SLC25A13: variants seen among roughly 807,000 people sequenced by gnomAD.
SLC25A13 encodes the protein solute carrier family 25 member 13.
SLC25A13 carries 70 observed loss-of-function variants against 85.5 expected under a neutral mutation model. The ratio of observed to expected loss-of-function variants is 0.82; its 90% CI spans 0.68 to 1.00. The LOEUF (loss-of-function observed/expected upper bound fraction) is 1.00. Ranked by LOEUF, SLC25A13 falls within the 50% of genes least tolerant of loss-of-function variation. SLC25A13 has a pLI of 0.00. For synonymous variants in SLC25A13, 259 were observed against 288.7 expected (o/e 0.90, Z 1.04); for missense variants, 765 against 819.8 (o/e 0.93, Z 0.82).
chr7:96,250,180 C>T (rs1032968587), intron 3 of SLC25A13, among the ~76,000 whole-genome samples: 3 of 151,956 alleles, frequency 2.0e-5, no homozygotes, highest in Admixed American at 6.6e-5. Flanking sequence ...AAGTGAGACT[C>T]TGTCTCAAAA....
intron 15 of SLC25A13, 36 bp from the exon 16 acceptor site, chr7:96,122,033 A>G (rs192031193): frequency 3.6e-4 from 581 of 1,613,230 alleles, no homozygotes; most frequent in Admixed American, 4.5e-4. Flanking sequence ...CAGTCTGGTC[A>G]CATTCTCACT....
At chr7:96,191,362 G>A in intron 6 of SLC25A13, 115 bp from the exon 7 acceptor site, 1 of 1,093,388 alleles carries the variant, frequency 9.1e-7, no homozygotes, top group Non-Finnish European at 1.3e-6. Context: ...TGTACAAGAA[G>A]AAATGACTAT....
At chr7:96,218,464 A>G (rs1795981033) in intron 4 of SLC25A13, among the ~76,000 whole-genome samples, 1 of 152,312 alleles carries the variant, frequency 6.6e-6, no homozygotes, top group African/African-American at 2.4e-5. Flanking sequence ...TACAAATTCT[A>G]TGGACTCTTA....
chr7:96,132,921 C>T (rs1000605647), intron 14 of SLC25A13, among the ~76,000 whole-genome samples: 2 of 152,176 alleles, frequency 1.3e-5, no homozygotes, highest in Admixed American at 1.3e-4. Context: ...GTATCTGTTA[C>T]TATAGCCTTT....
In SLC25A13 at chr7:96,120,812, G is replaced by C; in HGVS notation, c.*379C>G. Reference sequence around the variant, plus strand: ...TTTCCTACCAGTTTAAAACACACACGAAACACTGCTCTGAGCACCATGATT... The same window carrying C: ...TTTCCTACCAGTTTAAAACACACACCAAACACTGCTCTGAGCACCATGATT... On this transcript the variant is annotated 3_prime_UTR_variant, in exon 18 of 18. Transcript: ENST00000265631. 1 of 461,960 alleles carries C rather than the reference G, an allele frequency of 2.2e-6. No individual in the cohort carries two copies. The highest frequency in any genetic ancestry group is 6.7e-4 in the Middle Eastern group (1 of 1,482). The allele number at this position is 461,960 out of a possible 1,614,324, so 28.6% of individuals were successfully genotyped here.
intron 14 of SLC25A13, among the ~76,000 whole-genome samples, chr7:96,134,340 T>C (rs777955336): frequency 1.3e-5 from 2 of 152,104 alleles, no homozygotes; most frequent in Non-Finnish European, 2.9e-5. Context: ...CCTGGCCACT[T>C]TTAGCTTTTC....
At chr7:96,175,931 A>C (rs1009225935) in intron 11 of SLC25A13, among the ~76,000 whole-genome samples, 6 of 152,222 alleles carry the variant, frequency 3.9e-5, no homozygotes, top group Middle Eastern at 3.2e-3. Flanking sequence ...GAAGTTGTTG[A>C]TAAGAACCAT....
intron 5 of SLC25A13, among the ~76,000 whole-genome samples, chr7:96,203,268 T>C (rs1182733846): frequency 6.6e-6 from 1 of 152,188 alleles, no homozygotes; most frequent in African/African-American, 2.4e-5. Context: ...AGGATGCTTA[T>C]TGGAAAGGCA....
chr7:96,306,728 CT>C (rs1296707358), intron 1 of SLC25A13: 6 of 1,024,604 alleles, frequency 5.9e-6, no homozygotes, highest in Non-Finnish European at 8.9e-6. Flanking sequence ...CTTCCATCTT[CT>C]CTTTTGTGCC....
chr7:96,247,230 T>C (rs1288632093), intron 3 of SLC25A13, among the ~76,000 whole-genome samples: 3 of 152,208 alleles, frequency 2.0e-5, no homozygotes, highest in South Asian at 2.1e-4. Flanking sequence ...TGTCATTAAA[T>C]AGCAAACATT....
At chr7:96,153,129 G>A (rs1163872994) in intron 13 of SLC25A13, among the ~76,000 whole-genome samples, 1 of 152,230 alleles carries the variant, frequency 6.6e-6, no homozygotes, top group Non-Finnish European at 1.5e-5. Context: ...AGAACATGAA[G>A]AGTTTGCATT....
At chr7:96,214,773 T>A (rs1022150612) in intron 4 of SLC25A13, among the ~76,000 whole-genome samples, 1 of 151,978 alleles carries the variant, frequency 6.6e-6, no homozygotes, top group African/African-American at 2.4e-5. Flanking sequence ...CAATTTACAG[T>A]AGCCTCAAAA....
intron 2 of SLC25A13, among the ~76,000 whole-genome samples, chr7:96,291,299 T>C (rs533207755): frequency 1.3e-5 from 2 of 152,326 alleles, no homozygotes; most frequent in South Asian, 2.1e-4. Flanking sequence ...GAGAAATCTA[T>C]AGCACTAAAT....
At position 96,184,994 on chromosome 7, in the gene SLC25A13, T is replaced by G; in HGVS notation, c.951A>C (p.Ser317=). Residue 317 remains serine, a synonymous_variant, in exon 10 of 18, where the codon TCA becomes TCC. Coordinates refer to ENST00000265631, the MANE Select transcript of SLC25A13 (RefSeq NM_014251.3). The part of the protein sequence containing the change: ...EAQRQKASGD[S]ARPVLLQVAE... ...CAACTTGTAGAAGAACTGGTCGAGC[T>G]GAATCACCTGAGGCCTTCTGCTTTG... The G allele has an allele frequency of 6.2e-7, 1 of 1,614,110 alleles. No homozygotes were observed. The highest frequency in any genetic ancestry group is 2.2e-5 in the East Asian group (1 of 44,884).
At chr7:96,224,060 A>G (rs570487828) in intron 4 of SLC25A13, among the ~76,000 whole-genome samples, 1 of 152,324 alleles carries the variant, frequency 6.6e-6, no homozygotes, top group Non-Finnish European at 1.5e-5. Flanking sequence ...AATAAGAAAT[A>G]CAGTAACAGG....
chr7:96,317,708 T>A lies in SLC25A13; in HGVS notation c.15+4234A>T, dbSNP rs1173955034. On this transcript the variant is annotated intron_variant, in intron 1 of 17. Coordinates refer to ENST00000265631, the MANE Select transcript of SLC25A13 (RefSeq NM_014251.3). The stretch of plus-strand genomic sequence containing the variant: ...ATTTCCATCAGAGAACTTAGCCCCC[T>A]GGAATGGTTTTGGTTTTCTTGAACA... Among the ~76,000 whole-genome samples the A allele has an allele frequency of 2.6e-5, 4 of 152,184 alleles. No homozygotes were observed. The East Asian group carries it at 7.7e-4, about 29-fold the overall frequency.
chr7:96,263,926 A>T (rs1797948885), intron 3 of SLC25A13, among the ~76,000 whole-genome samples: 1 of 152,030 alleles, frequency 6.6e-6, no homozygotes, highest in South Asian at 2.1e-4. Context: ...TCCCTCATAA[A>T]CACATCCCAA....
chr7:96,303,229 T>C (rs1290588786), intron 1 of SLC25A13, among the ~76,000 whole-genome samples: 2 of 152,060 alleles, frequency 1.3e-5, no homozygotes, highest in Non-Finnish European at 2.9e-5. Context: ...CTGAAACATC[T>C]GAAAGCCAAG....
chr7:96,139,690 T>C (rs1323237044), intron 14 of SLC25A13, among the ~76,000 whole-genome samples: 1 of 152,210 alleles, frequency 6.6e-6, no homozygotes, highest in African/African-American at 2.4e-5. Flanking sequence ...TATGTACACT[T>C]AGACACCTCA....
Sources: allele counts gnomAD v4.1 joint callset (sites outside exome capture counted in the v4.1 genomes callset), GRCh38; gene constraint gnomAD v4.1.1; transcripts MANE v1.5; gene names NCBI Gene and HGNC (gene_info 2026-07-23, HGNC 2026-07-21).